TPSAB1: variants seen among roughly 807,000 people sequenced by gnomAD.
TPSAB1 encodes tryptase alpha/beta 1, also known as tryptase alpha/beta-1.
Under a neutral mutation model 21.8 loss-of-function variants are expected in TPSAB1, and 15 were observed. The observed-to-expected ratio is 0.69, with a 90% confidence interval of 0.46 to 1.06. TPSAB1 has a LOEUF of 1.06. TPSAB1 is among the 50% of genes least tolerant of loss of function. The probability of loss-of-function intolerance (pLI) is 0.00; values close to 1 mark genes in which losing one functional copy is unlikely to be tolerated. For synonymous variants in TPSAB1, 74 were observed against 140.4 expected, an observed-to-expected ratio of 0.53 and a Z score of 3.34; for missense variants, 186 against 311.2, an observed-to-expected ratio of 0.60 and a Z score of 3.03.
In TPSAB1 at chr16:1,242,274, G is replaced by C. The variant is rs375510733; in HGVS notation, c.*34G>C. The C allele has an allele frequency of 6.2e-7, 1 of 1,611,392 alleles. No homozygotes were observed. The highest frequency in any genetic ancestry group is 8.5e-7 in the Non-Finnish European group (1 of 1,178,758). ...TGGGTTGGCCACCTGGGTCACTGGAGGACCAACCCCTGCTGTCCAAAACAC... is the reference window on the plus strand; with the variant it reads ...TGGGTTGGCCACCTGGGTCACTGGACGACCAACCCCTGCTGTCCAAAACAC... On this transcript the variant is annotated 3_prime_UTR_variant, in exon 6 of 6. Coordinates refer to ENST00000338844, the MANE Select transcript of TPSAB1 (RefSeq NM_003294.4).
intron 5 of TPSAB1, 24 bp from the exon 6 acceptor site, chr16:1,242,052 A>T: frequency 4.2e-6 from 3 of 717,062 alleles, no homozygotes; most frequent in Non-Finnish European, 3.7e-6. Context: ...CTGTTCGGCG[A>T]GCGCTGACCT....
Position 1,242,249 on chromosome 16 carries a change from T to G in TPSAB1, c.*9T>G. 2 of 1,612,684 alleles carry G rather than the reference T, an allele frequency of 1.2e-6. No individual in the cohort carries two copies. Among genetic ancestry groups the G allele is most frequent in the Middle Eastern group, 3.3e-4 (2 of 6,054 alleles). On this transcript the variant is annotated 3_prime_UTR_variant, in exon 6 of 6. Coordinates refer to ENST00000338844, the MANE Select transcript of TPSAB1 (RefSeq NM_003294.4). Reference sequence around the variant, plus strand: ...TCCCCAAAAAGCCGTGAGTCAGGCCTGGGTTGGCCACCTGGGTCACTGGAG... The same window carrying G: ...TCCCCAAAAAGCCGTGAGTCAGGCCGGGGTTGGCCACCTGGGTCACTGGAG...
At chr16:1,240,865 C>A in intron 1 of TPSAB1, 74 bp from the exon 2 acceptor site, 3 of 1,100,874 alleles carry the variant, frequency 2.7e-6, no homozygotes, top group Non-Finnish European at 3.9e-6. Flanking sequence ...CCATTCTTCA[C>A]CCCACAATCT....
chr16:1,242,172 C>T lies in TPSAB1; in HGVS notation c.760C>T (p.Pro254Ser), dbSNP rs1234361291. 2 of 1,599,360 alleles carry T rather than the reference C, an allele frequency of 1.3e-6. No individual in the cohort carries two copies. Among genetic ancestry groups the T allele is most frequent in the Non-Finnish European group, 1.7e-6 (2 of 1,174,114 alleles). The change falls in exon 6 of 6, where the codon CCT (proline) becomes TCT (serine). Residue 254 changes from proline to serine, a missense_variant. Pro to Ser is a moderately conservative substitution (Grantham distance 74). Around this residue, in one of 4 missense-constraint regions of TPSAB1, gnomAD observed 85 missense variants for 104.3 expected, o/e 0.81. Transcript: ENST00000338844. ...CGAGGGCTGTGCCCAGCCCAACCGG[C>T]CTGGCATCTACACCCGTGTCACCTA... The part of the protein sequence containing the change: ...WGEGCAQPNR[P>S]GIYTRVTYYL...
At position 1,241,274 on chromosome 16, in the gene TPSAB1, C is replaced by T. The variant is rs144400029; in HGVS notation, c.183C>T (p.Gly61=). Residue 61 remains glycine (G), a synonymous_variant, in exon 3 of 6, where the codon GGC becomes GGT. Transcript: ENST00000338844. ...CATACTGGATGCACTTCTGCGGGGG[C>T]TCCCTCATCCACCCCCAGTGGGTGC... ...HGPYWMHFCG[G]SLIHPQWVLT... is the part of the protein sequence containing the mutation. 3.1e-5 allele frequency: 50 copies of T among 1,611,628 alleles called. No individual in the cohort carries two copies. The African/African-American group carries it at 5.9e-4, about 19-fold the overall frequency.
Position 1,242,289 on chromosome 16 carries a change from G to C in TPSAB1, c.*49G>C, listed in dbSNP as rs543496488. 5.0e-6 allele frequency: 8 copies of C among 1,607,840 alleles called. 1 individual carries two copies. The highest frequency in any genetic ancestry group is 6.8e-6 in the Non-Finnish European group (8 of 1,176,498). ...GGTCACTGGAGGACCAACCCCTGCT[G>C]TCCAAAACACCACTGCTTCCTACCC... On this transcript the variant is annotated 3_prime_UTR_variant, in exon 6 of 6. Transcript: ENST00000338844.
chr16:1,240,834 C>G, intron 1 of TPSAB1, 105 bp from the exon 2 acceptor site: 2 of 1,350,820 alleles, frequency 1.5e-6, no homozygotes, highest in Non-Finnish European at 2.0e-6. Context: ...CTGGACCCAC[C>G]CCGGTCCCCC....
At chr16:1,241,734 CT>C in intron 4 of TPSAB1, 35 bp downstream of exon 4, 1 of 556,092 alleles carries the variant, frequency 1.8e-6, no homozygotes, top group Non-Finnish European at 2.8e-6. Context: ...GGGCCAGGGT[CT>C]TAGCCACAGC....
In TPSAB1 at chr16:1,241,260, C is replaced by A; in HGVS notation, c.169C>A (p.His57Asn). 6.2e-7 allele frequency: 1 copy of A among 1,612,536 alleles called. No individual in the cohort carries two copies. Among genetic ancestry groups the A allele is most frequent in the South Asian group, 1.1e-5 (1 of 90,810 alleles). Residue 57 changes from histidine to asparagine, a missense_variant, in exon 3 of 6, where the codon CAC (histidine) becomes AAC (asparagine). Around this residue, in one of 4 missense-constraint regions of TPSAB1, gnomAD observed 89 missense variants for 74.9 expected, o/e 1.19. Transcript: ENST00000338844. ...GAGAGTCCACGGCCCATACTGGATG[C>A]ACTTCTGCGGGGGCTCCCTCATCCA... is the stretch of plus-strand genomic sequence containing the variant. ...SLRVHGPYWM[H>N]FCGGSLIHPQ... is the part of the protein sequence containing the mutation.
chr16:1,242,457 C>A lies in TPSAB1; in HGVS notation c.*217C>A. The A allele has an allele frequency of 3.1e-6, 1 of 319,880 alleles. No individual in the cohort carries two copies. Among genetic ancestry groups the A allele is most frequent in the Non-Finnish European group, 4.8e-6 (1 of 207,248 alleles). The allele number at this position is 319,880 out of a possible 1,614,324, so 19.8% of individuals were successfully genotyped here. A position where few individuals can be genotyped will look rare whatever the true frequency, so the allele number is the denominator to read the frequency against. On this transcript the variant is annotated 3_prime_UTR_variant, in exon 6 of 6. Coordinates refer to ENST00000338844, the MANE Select transcript of TPSAB1 (RefSeq NM_003294.4). ...GCCCCCTTCCCTGTCCTAAGCCTGA[C>A]GCCTGCACCGGGCCCTCCAGCCCTC...
In TPSAB1 at chr16:1,241,174, G is replaced by C. The variant is rs146223687; in HGVS notation, c.83G>C (p.Arg28Pro). The C allele has an allele frequency of 8.2e-7, 1 of 1,213,518 alleles. No homozygotes were observed. The highest frequency in any genetic ancestry group is 2.2e-5 in the Admixed American group (1 of 44,742). The allele number at this position is 1,213,518 out of a possible 1,614,324, so 75.2% of individuals were successfully genotyped here. The change falls in exon 3 of 6, where the codon CGA becomes CCA. Residue 28 changes from arginine (R) to proline (P), a missense_variant. By Grantham distance (103) the Arg-to-Pro change is moderately radical. Transcript: ENST00000338844. ...AAPAPGQALQ[R>P]VGIVGGQEAP... ...CCAGCCCCAGGCCAGGCCCTGCAGC[G>C]AGTGGGCATCGTCGGGGGTCAGGAG... is the stretch of plus-strand genomic sequence containing the variant.
In TPSAB1 at chr16:1,241,305, G is replaced by A. The variant is rs767497079; in HGVS notation, c.214G>A (p.Ala72Thr). ...SLIHPQWVLTAAHCVGPDVKD... is the reference protein window; with the variant it reads ...SLIHPQWVLTTAHCVGPDVKD... The stretch of plus-strand genomic sequence containing the variant: ...CATCCACCCCCAGTGGGTGCTGACC[G>A]CAGCGCACTGCGTGGGACCGTGAGT... Residue 72 changes from alanine (A) to threonine (T), a missense_variant, in exon 3 of 6, where the codon GCA becomes ACA. Ala to Thr is a moderately conservative substitution (Grantham distance 58). Coordinates refer to ENST00000338844, the MANE Select transcript of TPSAB1 (RefSeq NM_003294.4). The A allele has an allele frequency of 1.5e-5, 24 of 1,610,530 alleles. No individual in the cohort carries two copies. Among genetic ancestry groups the A allele is most frequent in the African/African-American group, 4.0e-5 (3 of 74,908 alleles).
Position 1,241,939 on chromosome 16 carries a change from C to A in TPSAB1, c.612C>A (p.Ile204=), listed in dbSNP as rs1344459176. 1.7e-6 allele frequency: 1 copy of A among 587,084 alleles called. No homozygotes were observed. The highest frequency in any genetic ancestry group is 3.0e-5 in the East Asian group (1 of 33,180). 36.4% of individuals were successfully genotyped at this position (587,084 alleles called of 1,614,324 possible). A position where few individuals can be genotyped will look rare whatever the true frequency, so the allele number is the denominator to read the frequency against. ...LGAYTGDDVR[I]VRDDMLCAGN... ...CCTACACGGGAGACGACGTCCGCAT[C>A]GTCCGTGACGACATGCTGTGTGCCG... The change falls in exon 5 of 6, where the codon ATC becomes ATA. Residue 204 remains isoleucine (I), a synonymous_variant. Coordinates refer to ENST00000338844, the MANE Select transcript of TPSAB1 (RefSeq NM_003294.4).
rs757030119 is a variant in TPSAB1 at position 1,242,148 on chromosome 16, G to A, written c.736G>A (p.Glu246Lys). 8.8e-6 allele frequency: 14 copies of A among 1,591,220 alleles called. No homozygotes were observed. The South Asian group carries it at 9.0e-5, about 10-fold the overall frequency. The change falls in exon 6 of 6, where the codon GAG (glutamate) becomes AAG (lysine). Residue 246 changes from glutamate (E) to lysine (K), a missense_variant. By Grantham distance (56) the Glu-to-Lys change is moderately conservative. Around this residue, in one of 4 missense-constraint regions of TPSAB1, gnomAD observed 85 missense variants for 104.3 expected, o/e 0.81. Coordinates refer to ENST00000338844, the MANE Select transcript of TPSAB1 (RefSeq NM_003294.4). ...GCAGGCGGGCGTGGTCAGCTGGGGCGAGGGCTGTGCCCAGCCCAACCGGCC... is the reference window on the plus strand; with the variant it reads ...GCAGGCGGGCGTGGTCAGCTGGGGCAAGGGCTGTGCCCAGCCCAACCGGCC... ...WLQAGVVSWG[E>K]GCAQPNRPGI...
Position 1,241,291 on chromosome 16 carries a change from A to G in TPSAB1, c.200A>G (p.Gln67Arg), listed in dbSNP as rs1466134477. Residue 67 changes from glutamine to arginine, a missense_variant, in exon 3 of 6, where the codon CAG (glutamine) becomes CGG (arginine). Coordinates refer to ENST00000338844, the MANE Select transcript of TPSAB1 (RefSeq NM_003294.4). ...HFCGGSLIHP[Q>R]WVLTAAHCVG... ...TGCGGGGGCTCCCTCATCCACCCCC[A>G]GTGGGTGCTGACCGCAGCGCACTGC... The G allele has an allele frequency of 6.2e-7, 1 of 1,611,468 alleles. No homozygotes were observed. Among genetic ancestry groups the G allele is most frequent in the South Asian group, 1.1e-5 (1 of 90,660 alleles).
Position 1,241,221 on chromosome 16 carries a change from T to A in TPSAB1, c.130T>A (p.Trp44Arg), listed in dbSNP as rs765100069. The change falls in exon 3 of 6, where the codon TGG becomes AGG. Residue 44 changes from tryptophan to arginine, a missense_variant. Physicochemically the swap from Trp to Arg is moderately radical, Grantham distance 101. Around this residue, in one of 4 missense-constraint regions of TPSAB1, gnomAD observed 89 missense variants for 74.9 expected, o/e 1.19. Transcript: ENST00000338844. ...GQEAPRSKWP[W>R]QVSLRVHGPY... is the part of the protein sequence containing the mutation. ...GGAGGCCCCCAGGAGCAAGTGGCCCTGGCAGGTGAGCCTGAGAGTCCACGG... is the reference window on the plus strand; with the variant it reads ...GGAGGCCCCCAGGAGCAAGTGGCCCAGGCAGGTGAGCCTGAGAGTCCACGG... 1 of 1,612,170 alleles carries A rather than the reference T, an allele frequency of 6.2e-7. No individual in the cohort carries two copies. The highest frequency in any genetic ancestry group is 1.1e-5 in the South Asian group (1 of 90,786).
In TPSAB1 at chr16:1,242,125, A is replaced by T. The variant is rs757116058; in HGVS notation, c.713A>T (p.Gln238Leu). The change falls in exon 6 of 6, where the codon CAG becomes CTG. Residue 238 changes from glutamine (Q) to leucine (L), a missense_variant. Coordinates refer to ENST00000338844, the MANE Select transcript of TPSAB1 (RefSeq NM_003294.4). Reference protein sequence around the residue: ...LVCKVNGTWLQAGVVSWGEGC... With the variant: ...LVCKVNGTWLLAGVVSWGEGC... ...TGCAAGGTGAATGGCACCTGGCTGC[A>T]GGCGGGCGTGGTCAGCTGGGGCGAG... 5 of 1,544,814 alleles carry T rather than the reference A, an allele frequency of 3.2e-6. No individual in the cohort carries two copies. The highest frequency in any genetic ancestry group is 2.3e-5 in the South Asian group (2 of 87,084).
chr16:1,242,238 T>C lies in TPSAB1; in HGVS notation c.826T>C (p.Ter276ArgextTer51), dbSNP rs2030686684. Reference protein sequence around the residue: ...WIHHYVPKKP* With the variant: ...WIHHYVPKKPR ...CCACCACTATGTCCCCAAAAAGCCG[T>C]GAGTCAGGCCTGGGTTGGCCACCTG... The change falls in exon 6 of 6, where the codon TGA becomes CGA. Residue 276 changes from the stop codon to arginine, a stop_lost. Coordinates refer to ENST00000338844, the MANE Select transcript of TPSAB1 (RefSeq NM_003294.4). 5 of 1,612,188 alleles carry C rather than the reference T, an allele frequency of 3.1e-6. No homozygotes were observed. The highest frequency in any genetic ancestry group is 4.2e-6 in the Non-Finnish European group (5 of 1,179,426).
rs1183580419 is a variant in TPSAB1 at position 1,241,284 on chromosome 16, C to T, written c.193C>T (p.His65Tyr). The change falls in exon 3 of 6, where the codon CAC (histidine) becomes TAC (tyrosine). Residue 65 changes from histidine (H) to tyrosine (Y), a missense_variant. By Grantham distance (83) the His-to-Tyr change is moderately conservative. This residue lies in a region of TPSAB1 where 89 missense variants were observed against 74.9 expected (regional missense o/e 1.19). Coordinates refer to ENST00000338844, the MANE Select transcript of TPSAB1 (RefSeq NM_003294.4). ...GCACTTCTGCGGGGGCTCCCTCATC[C>T]ACCCCCAGTGGGTGCTGACCGCAGC... ...WMHFCGGSLI[H>Y]PQWVLTAAHC... 1.9e-6 allele frequency: 3 copies of T among 1,611,288 alleles called. No individual in the cohort carries two copies. Among genetic ancestry groups the T allele is most frequent in the African/African-American group, 1.3e-5 (1 of 74,998 alleles).
Sources: allele counts gnomAD v4.1 joint callset, GRCh38; gene constraint gnomAD v4.1.1; regional missense constraint gnomAD v4.1.1; transcripts MANE v1.5; gene names NCBI Gene and HGNC (gene_info 2026-07-23, HGNC 2026-07-21).